The following BBS7 variants were observed in gnomAD, a reference collection of about 807,000 sequenced individuals.
BBS7 encodes Bardet-Biedl syndrome 7.
In BBS7, 50 loss-of-function variants were observed where a neutral mutation model predicts 90.3. That is an observed-to-expected ratio of 0.55 (90% CI 0.44 to 0.70). The LOEUF (loss-of-function observed/expected upper bound fraction) is 0.70. BBS7 is among the 30% of genes least tolerant of loss of function. The pLI is 0.00. For synonymous variants in BBS7, 235 were observed against 287.4 expected (o/e 0.82, Z 1.85); for missense variants, 729 against 838.9 (o/e 0.87, Z 1.62).
chr4:121,836,334 A>ACCTCCCTGCT (rs1725448989), intron 13 of BBS7, among the ~76,000 whole-genome samples: 1 of 151,400 alleles, frequency 6.6e-6, no homozygotes, highest in South Asian at 2.1e-4. Context: ...TATTACCATC[A>ACCTCCCTGCT]CCTCCCTGCT....
At chr4:121,835,399 T>C (rs2149056910) in intron 13 of BBS7, 116 bp from the exon 14 acceptor site, 1 of 1,240,544 alleles carries the variant, frequency 8.1e-7, no homozygotes, top group Non-Finnish European at 1.1e-6. Flanking sequence ...GAAGACCTAA[T>C]TTAAGAGGAG....
intron 13 of BBS7, 58 bp downstream of exon 13, chr4:121,839,573 A>ACCATAT: frequency 7.5e-7 from 1 of 1,324,820 alleles, no homozygotes; most frequent in Non-Finnish European, 1.1e-6. Flanking sequence ...TGTAAGACAT[A>ACCATAT]CCAGCAGGAA....
At chr4:121,833,445 G>GT in intron 14 of BBS7, 50 bp from the exon 15 acceptor site, 1 of 1,520,972 alleles carries the variant, frequency 6.6e-7, no homozygotes, top group South Asian at 1.1e-5. Flanking sequence ...ATACATGAAA[G>GT]TATTATATGT....
At chr4:121,830,271 C>T (rs1560640219) in intron 15 of BBS7, among the ~76,000 whole-genome samples, 1 of 152,160 alleles carries the variant, frequency 6.6e-6, no homozygotes, top group African/African-American at 2.4e-5. Flanking sequence ...CGTGGTAGCA[C>T]ACTCCTAAAA....
At chr4:121,870,148 G>C (rs1650348615) in intron 1 of BBS7, 130 bp downstream of exon 1, 1 of 1,150,230 alleles carries the variant, frequency 8.7e-7, no homozygotes, top group Non-Finnish European at 1.3e-6. Context: ...CTGAGAGGTC[G>C]GCACCCAGCC....
chr4:121,847,322 T>C lies in BBS7; in HGVS notation c.1037+82A>G. 2.4e-5 allele frequency: 21 copies of C among 866,580 alleles called. No homozygotes were observed. The South Asian group carries it at 3.0e-4, about 12-fold the overall frequency. 53.7% of individuals were successfully genotyped at this position (866,580 alleles called of 1,614,324 possible). ...TTACATAATTCCTTCCAATAAAATA[T>C]ACTGCATCTATAAGTAATAAAAAGC... On this transcript the variant is annotated intron_variant, in intron 10 of 18. Coordinates refer to ENST00000264499, the MANE Select transcript of BBS7 (RefSeq NM_176824.3).
intron 14 of BBS7, among the ~76,000 whole-genome samples, chr4:121,834,225 AG>A (rs1725334685): frequency 6.6e-6 from 1 of 152,220 alleles, no homozygotes; most frequent in African/African-American, 2.4e-5. Context: ...ACTAAAACCT[AG>A]AGGCTAAATT....
At position 121,855,924 on chromosome 4, in the gene BBS7, A is replaced by C. The variant is rs549308546; in HGVS notation, c.529-363T>G. On this transcript the variant is annotated intron_variant, in intron 5 of 18. Coordinates refer to ENST00000264499, the MANE Select transcript of BBS7 (RefSeq NM_176824.3). Reference sequence around the variant, plus strand: ...TGTGTATATATGTATATATGTGTACATGTACATGTGTATATGTATATGTAC... The same window carrying C: ...TGTGTATATATGTATATATGTGTACCTGTACATGTGTATATGTATATGTAC... Among the ~76,000 whole-genome samples, 19 of 146,142 alleles carry C rather than the reference A, an allele frequency of 1.3e-4. No individual in the cohort carries two copies. In the East Asian group the frequency reaches 3.7e-3, roughly 28 times the overall value.
At chr4:121,833,929 T>A (rs751374193) in intron 14 of BBS7, among the ~76,000 whole-genome samples, 96 of 152,172 alleles carry the variant, frequency 6.3e-4, no homozygotes, top group Non-Finnish European at 1.2e-3. Context: ...AAATAATCAG[T>A]ATAGTGTGAA....
At chr4:121,839,765 A>C in intron 12 of BBS7, 69 bp from the exon 13 acceptor site, 1 of 1,326,722 alleles carries the variant, frequency 7.5e-7, no homozygotes, top group Non-Finnish European at 1.1e-6. Flanking sequence ...AGACATCAAT[A>C]ATAATAATGG....
intron 12 of BBS7, 48 bp downstream of exon 12, chr4:121,843,879 A>G (rs375801817): frequency 8.1e-7 from 1 of 1,232,284 alleles, no homozygotes; most frequent in African/African-American, 1.5e-5. Flanking sequence ...TCAAAATGGC[A>G]TAATAGAAAT....
intron 13 of BBS7, among the ~76,000 whole-genome samples, chr4:121,836,679 G>C (rs1725464414): frequency 6.6e-6 from 1 of 152,068 alleles, no homozygotes; most frequent in East Asian, 1.9e-4. Flanking sequence ...TGTCTGTTAT[G>C]TATATTACTG....
intron 7 of BBS7, among the ~76,000 whole-genome samples, chr4:121,854,106 TC>T (rs1726470885): frequency 6.6e-6 from 1 of 152,204 alleles, no homozygotes; most frequent in Non-Finnish European, 1.5e-5. Flanking sequence ...AAAGTGACCC[TC>T]CTCCTTCTAC....
Position 121,833,275 on chromosome 4 carries a change from G to A in BBS7, c.1632C>T (p.Tyr544=). 1 of 1,613,960 alleles carries A rather than the reference G, an allele frequency of 6.2e-7. No homozygotes were observed. Among genetic ancestry groups the A allele is most frequent in the African/African-American group, 1.3e-5 (1 of 75,036 alleles). The change falls in exon 15 of 19, where the codon TAC becomes TAT. Residue 544 remains tyrosine (Y), a synonymous_variant. Transcript: ENST00000264499. The part of the protein sequence containing the change: ...KPPAGECVTF[Y]FQNTFLDTQL... ...GTGTATCTAGAAAGGTGTTCTGAAA[G>A]TAAAATGTCACACATTCTCCTGCTG...
chr4:121,843,833 GA>G, intron 12 of BBS7, 93 bp downstream of exon 12: 1 of 842,732 alleles, frequency 1.2e-6, no homozygotes, highest in South Asian at 1.5e-5. Flanking sequence ...AATTGAAAAA[GA>G]AACATCAAAA....
chr4:121,831,443 C>T (rs1236227090), intron 15 of BBS7, among the ~76,000 whole-genome samples: 1 of 150,330 alleles, frequency 6.7e-6, no homozygotes, highest in African/African-American at 2.5e-5. Flanking sequence ...CCAGCTTGGG[C>T]AACACAGTGA....
At chr4:121,831,197 C>T (rs1725162655) in intron 15 of BBS7, among the ~76,000 whole-genome samples, 2 of 151,920 alleles carry the variant, frequency 1.3e-5, no homozygotes, top group African/African-American at 2.4e-5. Context: ...AAGCAAGACT[C>T]TGTCTCAAAA....
intron 7 of BBS7, among the ~76,000 whole-genome samples, chr4:121,853,992 A>AT (rs1392950458): frequency 1.3e-5 from 2 of 151,980 alleles, no homozygotes; most frequent in Non-Finnish European, 2.9e-5. Context: ...TTCCTGAAAC[A>AT]TTTTTTTCCC....
chr4:121,855,734 A>T (rs553624180), intron 5 of BBS7, among the ~76,000 whole-genome samples, 173 bp from the exon 6 acceptor site: 1 of 152,042 alleles, frequency 6.6e-6, no homozygotes, highest in African/African-American at 2.4e-5. Flanking sequence ...TGCATATATC[A>T]ACTGATTTGA....
Sources: allele counts gnomAD v4.1 joint callset (sites outside exome capture counted in the v4.1 genomes callset), GRCh38; gene constraint gnomAD v4.1.1; transcripts MANE v1.5; gene names NCBI Gene and HGNC (gene_info 2026-07-23, HGNC 2026-07-21).